The following TRAK2 variants were observed in gnomAD, a reference collection of about 807,000 sequenced individuals.
TRAK2 encodes the protein trafficking kinesin-binding protein 2.
TRAK2 carries 81 observed loss-of-function variants against 104.6 expected under a neutral mutation model. That is an observed-to-expected ratio of 0.77 (90% CI 0.65 to 0.93). The LOEUF (loss-of-function observed/expected upper bound fraction) is 0.93, where lower values mean the gene tolerates loss of function less well. Among genes scored for constraint, TRAK2 ranks in the 40% least tolerant of loss-of-function variants. The pLI, the probability that TRAK2 is intolerant of heterozygous loss-of-function variation, is 0.00. For synonymous variants in TRAK2, 406 were observed against 394.4 expected, an observed-to-expected ratio of 1.03 and a Z score of -0.35; for missense variants, 1,002 against 1,089.0, an observed-to-expected ratio of 0.92 and a Z score of 1.12.
chr2:201,400,273 T>C (rs958864571), intron 4 of TRAK2, among the ~76,000 whole-genome samples: 2 of 152,110 alleles, frequency 1.3e-5, no homozygotes, highest in Non-Finnish European at 2.9e-5. Flanking sequence ...CTGTATTCTA[T>C]AGGATAGAAA....
At chr2:201,435,908 A>C (rs1440026595) in intron 1 of TRAK2, among the ~76,000 whole-genome samples, 1 of 152,088 alleles carries the variant, frequency 6.6e-6, no homozygotes, top group Non-Finnish European at 1.5e-5. Context: ...AAAAATCATA[A>C]GGAGGGTTTT....
intron 1 of TRAK2, among the ~76,000 whole-genome samples, chr2:201,450,432 A>C (rs920149527): frequency 6.6e-6 from 1 of 151,904 alleles, no homozygotes; most frequent in East Asian, 1.9e-4. Flanking sequence ...AAAAGAAAAG[A>C]AAGTTGGAAT....
chr2:201,387,733 C>T lies in TRAK2; in HGVS notation c.1666G>A (p.Glu556Lys). 6.2e-7 allele frequency: 1 copy of T among 1,608,562 alleles called. No individual in the cohort carries two copies. The highest frequency in any genetic ancestry group is 1.1e-5 in the South Asian group (1 of 90,772). ...SASCLRGFMP[E>K]KLQIVKPLEG... ...AGGGGCTTGACAATTTGTAATTTTT[C>T]TGGCATAAAACCTCGAAGGCAACTG... Residue 556 changes from glutamate to lysine, a missense_variant, in exon 13 of 16, where the codon GAA becomes AAA. By Grantham distance (56) the Glu-to-Lys change is moderately conservative. Transcript: ENST00000332624.
At chr2:201,426,286 T>C (rs2125656928) in intron 1 of TRAK2, among the ~76,000 whole-genome samples, 1 of 152,334 alleles carries the variant, frequency 6.6e-6, no homozygotes, top group South Asian at 2.1e-4. Flanking sequence ...GCGAGGGATC[T>C]AGGTTGCCCA....
chr2:201,395,507 G>T, intron 7 of TRAK2, 63 bp from the exon 8 acceptor site: 1 of 1,436,422 alleles, frequency 7.0e-7, no homozygotes, highest in South Asian at 1.7e-5. Flanking sequence ...GGCAAACTAT[G>T]ACTTGTGAGC....
chr2:201,436,118 T>A (rs1157318274), intron 1 of TRAK2, among the ~76,000 whole-genome samples: 2 of 152,144 alleles, frequency 1.3e-5, no homozygotes, highest in Non-Finnish European at 2.9e-5. Flanking sequence ...AACAGAAAAT[T>A]ATGTCCTTTT....
intron 2 of TRAK2, among the ~76,000 whole-genome samples, chr2:201,417,995 G>A (rs779511089): frequency 1.3e-5 from 2 of 152,074 alleles, no homozygotes; most frequent in Non-Finnish European, 2.9e-5. Context: ...CAAAATATGT[G>A]CAAGACTTAT....
intron 3 of TRAK2, among the ~76,000 whole-genome samples, chr2:201,403,846 A>C (rs559194703): frequency 6.6e-6 from 1 of 152,154 alleles, no homozygotes; most frequent in Non-Finnish European, 1.5e-5. Context: ...TATGGCAAAA[A>C]AGTTAGATAG....
intron 2 of TRAK2, among the ~76,000 whole-genome samples, chr2:201,416,575 G>A (rs539662015): frequency 6.6e-6 from 1 of 152,074 alleles, no homozygotes; most frequent in East Asian, 1.9e-4. Flanking sequence ...TAATACATAA[G>A]CCTTTTATTT....
At chr2:201,396,321 C>T (rs751148865) in intron 7 of TRAK2, among the ~76,000 whole-genome samples, 17 of 152,104 alleles carry the variant, frequency 1.1e-4, no homozygotes, top group Admixed American at 4.6e-4. Flanking sequence ...TACATTCCTT[C>T]CGGTTCTCTA....
chr2:201,433,738 T>A (rs1300967911), intron 1 of TRAK2, among the ~76,000 whole-genome samples: 2 of 152,216 alleles, frequency 1.3e-5, no homozygotes, highest in Non-Finnish European at 2.9e-5. Context: ...GAACCCATGG[T>A]GTCAACCGCG....
At chr2:201,443,443 A>T (rs935718248) in intron 1 of TRAK2, among the ~76,000 whole-genome samples, 1 of 152,084 alleles carries the variant, frequency 6.6e-6, no homozygotes, top group African/African-American at 2.4e-5. Context: ...TTGGTCTTTA[A>T]ATGTTAGTGT....
At position 201,441,884 on chromosome 2, in the gene TRAK2, G is replaced by A. The variant is rs187471606; in HGVS notation, c.-200+9466C>T. Among the ~76,000 whole-genome samples, 263 of 151,136 alleles carry A rather than the reference G, an allele frequency of 1.7e-3. 3 individuals carry two copies. Among genetic ancestry groups the A allele is most frequent in the African/African-American group, 5.9e-3 (244 of 41,288 alleles). On this transcript the variant is annotated intron_variant, in intron 1 of 15. Coordinates refer to ENST00000332624, the MANE Select transcript of TRAK2 (RefSeq NM_015049.3). ...TTTTTGTATTTTTAGTAGAGATGGG[G>A]TTTCACCACATGTTGGCCAGGCTGG...
intron 1 of TRAK2, among the ~76,000 whole-genome samples, chr2:201,443,550 T>A (rs1416653420): frequency 6.6e-6 from 1 of 152,148 alleles, no homozygotes; most frequent in African/African-American, 2.4e-5. Context: ...ACAGATTAAA[T>A]TATCTTTTTA....
intron 2 of TRAK2, among the ~76,000 whole-genome samples, chr2:201,416,854 TA>T (rs912219524): frequency 7.3e-5 from 11 of 150,178 alleles, no homozygotes; most frequent in African/African-American, 2.4e-4. Context: ...AGAATTAAAA[TA>T]AAAAAAGTTT....
intron 3 of TRAK2, among the ~76,000 whole-genome samples, chr2:201,405,216 T>A (rs1363356028): frequency 2.0e-5 from 3 of 152,200 alleles, no homozygotes; most frequent in Non-Finnish European, 2.9e-5. Flanking sequence ...GGTTAATGCT[T>A]CCTGAACTTC....
chr2:201,382,497 T>A (rs1357063847), intron 15 of TRAK2, among the ~76,000 whole-genome samples: 1 of 98,426 alleles, frequency 1.0e-5, no homozygotes, highest in Non-Finnish European at 2.7e-5. Flanking sequence ...GAACAGTCTA[T>A]ATATTGTATT....
chr2:201,406,325 T>TG (rs1389882221), intron 3 of TRAK2, among the ~76,000 whole-genome samples: 1 of 152,256 alleles, frequency 6.6e-6, no homozygotes, highest in Non-Finnish European at 1.5e-5. Context: ...ATGATTACTA[T>TG]GAAAATGAGT....
intron 1 of TRAK2, among the ~76,000 whole-genome samples, chr2:201,443,151 T>C (rs1951938540): frequency 6.6e-6 from 1 of 152,160 alleles, no homozygotes; most frequent in South Asian, 2.1e-4. Context: ...CCTCTGTCCT[T>C]ACTCAAGCTT....
Sources: gnomAD v4.1 joint callset for allele counts (sites outside exome capture counted in the v4.1 genomes callset) on GRCh38, gnomAD v4.1.1 for gene constraint, MANE v1.5 for transcripts, NCBI Gene and HGNC (gene_info 2026-07-23, HGNC 2026-07-21) for gene names.